The following ATRX variants were observed in gnomAD, a reference collection of about 807,000 sequenced individuals.
ATRX encodes the protein chromatin remodeler ATRX.
ATRX carries 12 observed loss-of-function variants against 172.6 expected under a neutral mutation model. The ratio of observed to expected loss-of-function variants is 0.07; its 90% CI spans 0.04 to 0.11. The LOEUF is 0.11. Ranked by LOEUF, ATRX falls within the 10% of genes least tolerant of loss-of-function variation. ATRX has a pLI of 1.00. For missense variants in ATRX, 1,368 were observed against 1,767.4 expected, an observed-to-expected ratio of 0.77 and a Z score of 4.05; for synonymous variants, 674 against 594.7, an observed-to-expected ratio of 1.13 and a Z score of -1.94.
Position 77,663,467 on chromosome X carries a change from C to T in ATRX, c.4035G>A (p.Leu1345=), listed in dbSNP as rs111725949. 8.3e-6 allele frequency: 10 copies of T among 1,209,525 alleles called. No homozygotes were observed. Among genetic ancestry groups the T allele is most frequent in the Middle Eastern group, 2.3e-4 (1 of 4,354 alleles). ...RYRHRLLRHK[L]TVSDGESGEE... ...CTCCAGATTCTCCGTCACTCACAGTCAATTTGTGCCGCAAAAGCCTATGTC... is the reference window on the plus strand; with the variant it reads ...CTCCAGATTCTCCGTCACTCACAGTTAATTTGTGCCGCAAAAGCCTATGTC... Residue 1345 remains leucine (L), a synonymous_variant, in exon 12 of 35, where the codon TTG becomes TTA. Transcript: ENST00000373344.
intron 5 of ATRX, among the ~76,000 whole-genome samples, chrX:77,695,921 T>A (rs1401830603): frequency 8.9e-6 from 1 of 111,774 alleles, no homozygotes; most frequent in Non-Finnish European, 1.9e-5. Flanking sequence ...AAAATTTGAC[T>A]CTTTGAACCA....
At chrX:77,755,163 G>A (rs2075443764) in intron 1 of ATRX, among the ~76,000 whole-genome samples, 2 of 112,638 alleles carry the variant, frequency 1.8e-5, no homozygotes, top group Non-Finnish European at 1.9e-5. Context: ...CGAAGTTCTT[G>A]TGCTGTGTTT....
In ATRX at chrX:77,636,024, C is replaced by T. The variant is rs2148360161; in HGVS notation, c.4590G>A (p.Lys1530=). ...AAACCAACTTGGTTGTTATTGGACA[C>T]TTGGTGGGTGAAGCATCTTCAATTT... The part of the protein sequence containing the change: ...VIEIEDASPT[K]CPITTKLVLD... The change falls in exon 16 of 35, where the codon AAG becomes AAA. Residue 1530 remains lysine, a synonymous_variant. Coordinates refer to ENST00000373344, the MANE Select transcript of ATRX (RefSeq NM_000489.6). The T allele has an allele frequency of 6.6e-6, 8 of 1,210,673 alleles. No individual in the cohort carries two copies. Among genetic ancestry groups the T allele is most frequent in the Non-Finnish European group, 7.8e-6 (7 of 894,697 alleles).
chrX:77,554,747 C>T (rs974421308), intron 30 of ATRX, among the ~76,000 whole-genome samples: 2 of 111,792 alleles, frequency 1.8e-5, no homozygotes, highest in African/African-American at 6.5e-5. Flanking sequence ...CATCCTTCCC[C>T]TATTATAAGC....
rs2065448670 is a variant in ATRX, at chrX:77,572,402, C to T, written c.6326+1848G>A. Among the ~76,000 whole-genome samples, 3 of 111,056 alleles carry T rather than the reference C, an allele frequency of 2.7e-5. No homozygotes were observed. In the Admixed American group the frequency reaches 2.9e-4, roughly 11 times the overall value. ...TCCCATATCTGAAATTCTTCGGGTC[C>T]CTAGCACCCCCAAGCATTTTGGATA... On this transcript the variant is annotated intron_variant, in intron 28 of 34. Coordinates refer to ENST00000373344, the MANE Select transcript of ATRX (RefSeq NM_000489.6).
chrX:77,777,247 G>A (rs1160445348), intron 1 of ATRX, among the ~76,000 whole-genome samples: 1 of 103,400 alleles, frequency 9.7e-6, no homozygotes, highest in African/African-American at 3.5e-5. Flanking sequence ...CAGGCGTGGT[G>A]GCAAATGCCT....
intron 1 of ATRX, among the ~76,000 whole-genome samples, chrX:77,779,482 C>T (rs1245378007): frequency 1.6e-4 from 18 of 111,486 alleles, no homozygotes; most frequent in Non-Finnish European, 3.4e-4. Context: ...CTAACTCATT[C>T]AAGACTCAAT....
At chrX:77,672,831 T>TA (rs1354725439) in intron 10 of ATRX, among the ~76,000 whole-genome samples, 2 of 111,759 alleles carry the variant, frequency 1.8e-5, no homozygotes, top group Non-Finnish European at 3.8e-5. Flanking sequence ...TCTCAGCTCT[T>TA]AGTCAAAGTT....
chrX:77,715,948 GCTAA>G (rs2073354600), intron 2 of ATRX, among the ~76,000 whole-genome samples: 1 of 109,056 alleles, frequency 9.2e-6, no homozygotes, highest in African/African-American at 3.3e-5. Context: ...ACCTGAAAAT[GCTAA>G]CTGTCACATG....
chrX:77,669,305 G>C (rs782096815), intron 10 of ATRX, among the ~76,000 whole-genome samples: 2 of 109,447 alleles, frequency 1.8e-5, no homozygotes, highest in African/African-American at 3.3e-5. Flanking sequence ...AAATACAGAT[G>C]ATGCCTTTTT....
At chrX:77,669,069 A>C (rs2148514269) in intron 10 of ATRX, among the ~76,000 whole-genome samples, 1 of 111,761 alleles carries the variant, frequency 8.9e-6, no homozygotes, top group African/African-American at 3.3e-5. Flanking sequence ...AAAGCAATAC[A>C]AAATGTTAGA....
At position 77,521,700 on chromosome X, in the gene ATRX, T is replaced by G. The variant is rs3027526; in HGVS notation, c.6976-202A>C. ...AGTCTTGTTAGGAAGATTAAAAAAGTTTGAGTTTTATCACACCAATAATTT... is the reference window on the plus strand; with the variant it reads ...AGTCTTGTTAGGAAGATTAAAAAAGGTTGAGTTTTATCACACCAATAATTT... On this transcript the variant is annotated intron_variant, in intron 32 of 34. Transcript: ENST00000373344. 558 of 347,530 alleles carry G rather than the reference T, an allele frequency of 1.6e-3. 5 individuals are homozygous for G. Among genetic ancestry groups the G allele is most frequent in the African/African-American group, 0.013 (500 of 38,708 alleles). 28.6% of individuals were successfully genotyped at this position (347,530 alleles called of 1,213,427 possible). A position where few individuals can be genotyped will look rare whatever the true frequency, so the allele number is the denominator to read the frequency against.
chrX:77,603,025 C>T (rs1460201467), intron 22 of ATRX, among the ~76,000 whole-genome samples: 1 of 109,930 alleles, frequency 9.1e-6, no homozygotes, highest in Non-Finnish European at 1.9e-5. Context: ...AGAGAGAGGA[C>T]TCAAATAAAT....
intron 27 of ATRX, 108 bp downstream of exon 27, chrX:77,589,724 GAT>G: frequency 1.5e-6 from 1 of 645,870 alleles, no homozygotes; most frequent in Non-Finnish European, 2.4e-6. Flanking sequence ...ATTTTGATAT[GAT>G]AGAGTTGTGA....
At chrX:77,554,931 A>G (rs1210251529) in intron 30 of ATRX, among the ~76,000 whole-genome samples, 1 of 112,361 alleles carries the variant, frequency 8.9e-6, no homozygotes, top group Admixed American at 9.5e-5. Context: ...TTGTGTTTTA[A>G]AAACTTTTTT....
At chrX:77,543,621 T>C (rs1557051914) in intron 30 of ATRX, among the ~76,000 whole-genome samples, 1 of 111,786 alleles carries the variant, frequency 8.9e-6, no homozygotes, top group Admixed American at 9.6e-5. Flanking sequence ...TGGAATACTA[T>C]GCGGCCATAA....
chrX:77,523,149 C>T (rs1226132477), intron 31 of ATRX, 103 bp downstream of exon 31: 1 of 1,054,726 alleles, frequency 9.5e-7, no homozygotes, highest in African/African-American at 1.9e-5. Context: ...TCCTAAAACC[C>T]ACTATATTAT....
intron 19 of ATRX, among the ~76,000 whole-genome samples, chrX:77,622,728 A>G (rs2067648052): frequency 9.0e-6 from 1 of 111,201 alleles, no homozygotes; most frequent in African/African-American, 3.3e-5. Flanking sequence ...AAAGCCGGGG[A>G]CAAGTTTTCA....
intron 5 of ATRX, among the ~76,000 whole-genome samples, chrX:77,694,859 T>C (rs1276854402): frequency 1.2e-5 from 1 of 83,672 alleles, no homozygotes; most frequent in Non-Finnish European, 2.2e-5. Context: ...TGACAAGTTA[T>C]AGCATCTAGT....
Sources: gnomAD v4.1 joint callset for allele counts (sites outside exome capture counted in the v4.1 genomes callset) on GRCh38, gnomAD v4.1.1 for gene constraint, MANE v1.5 for transcripts, NCBI Gene and HGNC (gene_info 2026-07-23, HGNC 2026-07-21) for gene names.